The following ADGRF5 variants were observed in gnomAD, a reference collection of about 807,000 sequenced individuals.
The protein encoded by ADGRF5 is adhesion G protein-coupled receptor F5.
A neutral mutation model predicts 132.3 loss-of-function variants in ADGRF5; 75 were observed. The observed-to-expected ratio is 0.57, with a 90% CI of 0.47 to 0.69. The LOEUF (loss-of-function observed/expected upper bound fraction) is 0.69. ADGRF5 is among the 30% of genes least tolerant of loss of function. The probability of loss-of-function intolerance (pLI) is 0.00; values close to 1 mark genes in which losing one functional copy is unlikely to be tolerated. For synonymous variants in ADGRF5, 629 were observed against 597.6 expected (o/e 1.05, Z -0.77); for missense variants, 1,516 against 1,630.6 (o/e 0.93, Z 1.21).
chr6:46,939,357 T>C (rs550648976), intron 1 of ADGRF5, among the ~76,000 whole-genome samples: 53 of 151,960 alleles, frequency 3.5e-4, no homozygotes, highest in Non-Finnish European at 6.5e-4. Context: ...GCTCAAGGTG[T>C]GGAGGGGCAC....
intron 10 of ADGRF5, among the ~76,000 whole-genome samples, chr6:46,877,295 C>CCT (rs1771861525): frequency 5.1e-5 from 5 of 97,838 alleles, no homozygotes; most frequent in African/African-American, 2.0e-4. Flanking sequence ...TTCTTTCTCT[C>CCT]TCTCTCTCTC....
chr6:46,944,866 T>C (rs1401745741), intron 1 of ADGRF5, among the ~76,000 whole-genome samples: 2 of 152,096 alleles, frequency 1.3e-5, no homozygotes, highest in Non-Finnish European at 2.9e-5. Context: ...TGCATCCCTG[T>C]CTTATGAACT....
At chr6:46,871,597 C>T (rs927075795) in intron 11 of ADGRF5, among the ~76,000 whole-genome samples, 2 of 152,126 alleles carry the variant, frequency 1.3e-5, no homozygotes, top group African/African-American at 2.4e-5. Context: ...GAGAATGCCC[C>T]GGGGTTCCTT....
chr6:46,885,036 A>C (rs1175049202), intron 4 of ADGRF5, among the ~76,000 whole-genome samples: 2 of 152,050 alleles, frequency 1.3e-5, no homozygotes, highest in Non-Finnish European at 2.9e-5. Flanking sequence ...ACCCTATCCT[A>C]CAAACAATAC....
In ADGRF5 at chr6:46,862,703, C is replaced by CTTTTTTTTTTTTTTTTTTTTTTTTT. The variant is rs67565937; in HGVS notation, c.2199+160_2199+184dup. 2.3e-3 allele frequency among the ~76,000 whole-genome samples: 60 copies of CTTTTTTTTTTTTTTTTTTTTTTTTT among 26,510 alleles called. 10 individuals carry two copies. The highest frequency in any genetic ancestry group is 9.6e-3 in the East Asian group (5 of 522). The allele number at this position is 26,510 out of a possible 152,430, so 17.4% of individuals were successfully genotyped here. ...AGTTGTCTTAGTATTTGAATTGAGG[C>CTTTTTTTTTTTTTTTTTTTTTTTTT]TTTTTTTTTTTTTTTTTTTTTTTTT... On this transcript the variant is annotated intron_variant, in intron 15 of 20. Transcript: ENST00000283296.
chr6:46,889,117 G>A (rs1243223719), intron 3 of ADGRF5, among the ~76,000 whole-genome samples: 1 of 150,538 alleles, frequency 6.6e-6, no homozygotes, highest in Non-Finnish European at 1.5e-5. Flanking sequence ...ATTCAAGATG[G>A]ATCTGTTCCC....
At chr6:46,856,976 A>G (rs1769128999) in intron 17 of ADGRF5, 68 bp from the exon 18 acceptor site, 2 of 1,213,706 alleles carry the variant, frequency 1.6e-6, no homozygotes, top group African/African-American at 3.0e-5. Flanking sequence ...AGGAGGAAGT[A>G]CTGTTAACCT....
chr6:46,942,502 CT>C (rs1440750598), intron 1 of ADGRF5, among the ~76,000 whole-genome samples: 1 of 152,214 alleles, frequency 6.6e-6, no homozygotes, highest in South Asian at 2.1e-4. Flanking sequence ...CTTAATCTCT[CT>C]GATCCTCAGT....
chr6:46,929,655 G>A (rs895663177), intron 1 of ADGRF5, among the ~76,000 whole-genome samples: 10 of 151,878 alleles, frequency 6.6e-5, no homozygotes, highest in Non-Finnish European at 1.3e-4. Context: ...TTTCTGAGCA[G>A]AGAAAGAGGC....
intron 1 of ADGRF5, among the ~76,000 whole-genome samples, chr6:46,928,644 A>T (rs1476855492): frequency 2.0e-5 from 3 of 152,046 alleles, no homozygotes; most frequent in Admixed American, 6.6e-5. Context: ...TTTATGCATG[A>T]GGCCCTCTAC....
intron 1 of ADGRF5, among the ~76,000 whole-genome samples, chr6:46,936,200 C>A (rs1233213727): frequency 6.6e-6 from 1 of 152,152 alleles, no homozygotes; most frequent in African/African-American, 2.4e-5. Context: ...TTGAGTTGGT[C>A]AGGATGGAAT....
intron 20 of ADGRF5, 87 bp downstream of exon 20, chr6:46,855,887 C>T (rs979484174): frequency 4.6e-5 from 35 of 753,776 alleles, no homozygotes; most frequent in South Asian, 7.4e-5. Context: ...ATGCCATGAG[C>T]GGGGTGAAAG....
intron 3 of ADGRF5, 135 bp from the exon 4 acceptor site, chr6:46,888,640 A>G (rs1451425713): frequency 1.5e-6 from 1 of 650,980 alleles, no homozygotes; most frequent in Non-Finnish European, 2.7e-6. Flanking sequence ...GGAATTTCTA[A>G]TGAAATCTTT....
chr6:46,933,328 ACTC>A (rs775798525), intron 1 of ADGRF5, among the ~76,000 whole-genome samples: 3 of 152,194 alleles, frequency 2.0e-5, no homozygotes, highest in African/African-American at 4.8e-5. Flanking sequence ...CAGTAAAGTA[ACTC>A]CTGTTCAAAA....
chr6:46,894,003 C>T lies in ADGRF5; in HGVS notation c.158-5498G>A, dbSNP rs1387814202. 2.0e-5 allele frequency among the ~76,000 whole-genome samples: 3 copies of T among 152,326 alleles called. No homozygotes were observed. The South Asian group carries it at 6.2e-4, about 32-fold the overall frequency. ...TTTTGCCTGGAAACACTAATGGGAA[C>T]TATGGTTTGTCAGAGCCAGAGCTTA... is the stretch of plus-strand genomic sequence containing the variant. On this transcript the variant is annotated intron_variant, in intron 3 of 20. Coordinates refer to ENST00000283296, the MANE Select transcript of ADGRF5 (RefSeq NM_001098518.2).
chr6:46,908,865 CAAAA>C (rs1224933932), intron 1 of ADGRF5: 1 of 151,962 alleles, frequency 6.6e-6, no homozygotes, highest in Non-Finnish European at 1.5e-5. Flanking sequence ...ATTCTTCACT[CAAAA>C]GAAAGGAGAA....
chr6:46,925,546 C>G (rs527302376), upstream of ADGRF5, among the ~76,000 whole-genome samples: 2 of 112,394 alleles, frequency 1.8e-5, no homozygotes, highest in East Asian at 5.0e-4. Flanking sequence ...TACTTGAGGT[C>G]AGGAGTTCGA....
intron 4 of ADGRF5, among the ~76,000 whole-genome samples, chr6:46,885,273 T>A (rs1268644737): frequency 6.6e-6 from 1 of 151,950 alleles, no homozygotes; most frequent in Non-Finnish European, 1.5e-5. Flanking sequence ...ATGCCAGTTG[T>A]GCTTTCATAT....
chr6:46,923,399 A>G (rs1777092030), upstream of ADGRF5, among the ~76,000 whole-genome samples: 1 of 152,126 alleles, frequency 6.6e-6, no homozygotes, highest in African/African-American at 2.4e-5. Context: ...CCTTCTTGTC[A>G]TGCTATCAGC....
Sources: allele counts gnomAD v4.1 joint callset (sites outside exome capture counted in the v4.1 genomes callset), GRCh38; gene constraint gnomAD v4.1.1; transcripts MANE v1.5; gene names NCBI Gene and HGNC (gene_info 2026-07-23, HGNC 2026-07-21).